The following TTN variants were observed in gnomAD, a reference collection of about 807,000 sequenced individuals.
TTN encodes the protein connectin.
Under a neutral mutation model 3,223.0 loss-of-function variants are expected in TTN, and 1,525 were observed. The ratio of observed to expected loss-of-function variants is 0.47; its 90% CI spans 0.45 to 0.49. The LOEUF is 0.49. TTN is among the 20% of genes least tolerant of loss of function. TTN has a pLI of 0.00. For synonymous variants in TTN, 14,094 were observed against 15,161.0 expected, an observed-to-expected ratio of 0.93 and a Z score of 5.17; for missense variants, 40,786 against 43,424.0, an observed-to-expected ratio of 0.94 and a Z score of 5.40.
Position 178,757,868 on chromosome 2 carries a change from G to C in TTN, c.10352C>G (p.Ser3451Cys). 2 of 1,552,216 alleles carry C rather than the reference G, an allele frequency of 1.3e-6. No homozygotes were observed. The highest frequency in any genetic ancestry group is 1.7e-6 in the Non-Finnish European group (2 of 1,152,526). Residue 3451 changes from serine to cysteine, a missense_variant, in exon 45 of 363, where the codon TCT becomes TGT. Transcript: ENST00000589042. ...CTCCTTCTTAAATGAAACTGATAAA[G>C]AGACATGCCATTGGGAGTTTGATGT... ...ENTSNSQWHV[S>C]LSVSFKKEPL...
chr2:178,775,326 G>C (rs200271938), intron 28 of TTN, 30 bp downstream of exon 28: 48 of 1,613,030 alleles, frequency 3.0e-5, no homozygotes, highest in Non-Finnish European at 2.2e-5. Context: ...TACAAAGACA[G>C]GTCCATCAAA....
At position 178,557,534 on chromosome 2, in the gene TTN, G is replaced by A. The variant is rs1559256317; in HGVS notation, c.87728C>T (p.Thr29243Ile). 1.2e-6 allele frequency: 2 copies of A among 1,613,930 alleles called. No homozygotes were observed. The highest frequency in any genetic ancestry group is 3.3e-5 in the Admixed American group (2 of 60,028). ...LPYTTPGPPS[T>I]PWVTNVTRES... ...TCGAGTAACATTAGTGACCCATGGT[G>A]TAGATGGTGGTCCAGGTGTTGCTAC... The change falls in exon 329 of 363, where the codon ACA becomes ATA. Residue 29243 changes from threonine to isoleucine, a missense_variant. Thr to Ile is a moderately conservative substitution (Grantham distance 89). Coordinates refer to ENST00000589042, the MANE Select transcript of TTN (RefSeq NM_001267550.2).
chr2:178,667,282 C>T lies in TTN; in HGVS notation c.35751G>A (p.Glu11917=). ...DTTRGIFPEV[E]PPEAIPEIPE... is the part of the protein sequence containing the mutation. ...GAATTTCAGGAATAGCCTCAGGTGG[C>T]TCCACCTCTGGAAAAATGCCTCTGG... The change falls in exon 162 of 363, where the codon GAG becomes GAA. Residue 11917 remains glutamate (E), a synonymous_variant. Coordinates refer to ENST00000589042, the MANE Select transcript of TTN (RefSeq NM_001267550.2). 6.2e-7 allele frequency: 1 copy of T among 1,605,674 alleles called. No individual in the cohort carries two copies. Among genetic ancestry groups the T allele is most frequent in the Non-Finnish European group, 8.5e-7 (1 of 1,176,174 alleles).
chr2:178,727,330 C>A lies in TTN; in HGVS notation c.20035G>T (p.Val6679Leu). 1 of 1,609,390 alleles carries A rather than the reference C, an allele frequency of 6.2e-7. No homozygotes were observed. The highest frequency in any genetic ancestry group is 8.5e-7 in the Non-Finnish European group (1 of 1,177,400). Residue 6679 changes from valine (V) to leucine (L), a missense_variant, in exon 69 of 363, where the codon GTG (valine) becomes TTG (leucine). Coordinates refer to ENST00000589042, the MANE Select transcript of TTN (RefSeq NM_001267550.2). Reference sequence around the variant, plus strand: ...AGTCGTGAAGAGTCACCTGCTTTCACAATTTTGGAGGCTTCTAATTTCTTT... The same window carrying A: ...AGTCGTGAAGAGTCACCTGCTTTCAAAATTTTGGAGGCTTCTAATTTCTTT... Reference protein sequence around the residue: ...FVKKLEASKIVKAGDSSRLEC... With the variant: ...FVKKLEASKILKAGDSSRLEC...
chr2:178,699,944 T>G (rs2074659514), intron 111 of TTN, among the ~76,000 whole-genome samples: 1 of 151,308 alleles, frequency 6.6e-6, no homozygotes, highest in Admixed American at 6.6e-5. Flanking sequence ...CTCGATCTCC[T>G]GACCTCGTGA....
In TTN at chr2:178,567,063, A is replaced by T. The variant is rs973899750; in HGVS notation, c.79069T>A (p.Tyr26357Asn). The change falls in exon 326 of 363, where the codon TAT (tyrosine) becomes AAT (asparagine). Residue 26357 changes from tyrosine to asparagine, a missense_variant. Coordinates refer to ENST00000589042, the MANE Select transcript of TTN (RefSeq NM_001267550.2). ...KVTKLLEGNE[Y>N]VFRIMAVNKY... The stretch of plus-strand genomic sequence containing the variant: ...TTGACAGCCATTATACGGAAAACAT[A>T]TTCATTACCTTCTAAGAGTTTGGTA... The T allele has an allele frequency of 2.5e-6, 4 of 1,613,488 alleles. No individual in the cohort carries two copies. The African/African-American group carries it at 5.3e-5, about 22-fold the overall frequency.
intron 326 of TTN, 28 bp from the exon 327 acceptor site, chr2:178,558,665 T>C (rs767211660): frequency 1.9e-6 from 3 of 1,598,370 alleles, no homozygotes; most frequent in South Asian, 2.3e-5. Context: ...CAAAAGAAAG[T>C]GAATAATTAT....
In TTN at chr2:178,537,134, G is replaced by A. The variant is rs538533402; in HGVS notation, c.99975C>T (p.Asn33325=). The A allele has an allele frequency of 6.2e-7, 1 of 1,613,540 alleles. No individual in the cohort carries two copies. The highest frequency in any genetic ancestry group is 1.3e-5 in the African/African-American group (1 of 75,036). ...TGGCCTCACATTTTTCCACCACATA[G>A]TTGGTGATCCAGGAGCCTCCGTCAT... ...PADDGGSWIT[N]YVVEKCEAKE... Residue 33325 remains asparagine, a synonymous_variant, in exon 356 of 363, where the codon AAC becomes AAT. Transcript: ENST00000589042.
rs751491298 is a variant in TTN at position 178,554,973 on chromosome 2, C to T, written c.88486G>A (p.Ala29496Thr). 20 of 1,613,610 alleles carry T rather than the reference C, an allele frequency of 1.2e-5. No homozygotes were observed. In the South Asian group the frequency reaches 1.3e-4, roughly 11 times the overall value. ...LVCVENTTDL[A>T]SILIKDADRL... is the part of the protein sequence containing the mutation. ...TCGGCATCTTTGATGAGTATAGATG[C>T]GAGGTCCGTGGTATTTTCAACACAC... The change falls in exon 331 of 363, where the codon GCA (alanine) becomes ACA (threonine). Residue 29496 changes from alanine (A) to threonine (T), a missense_variant. Coordinates refer to ENST00000589042, the MANE Select transcript of TTN (RefSeq NM_001267550.2).
chr2:178,676,458 A>G (rs1298207451), intron 147 of TTN, among the ~76,000 whole-genome samples: 1 of 151,902 alleles, frequency 6.6e-6, no homozygotes, highest in Non-Finnish European at 1.5e-5. Flanking sequence ...TGTAGAAAAT[A>G]TTATTGAGCT....
intron 98 of TTN, among the ~76,000 whole-genome samples, chr2:178,710,359 A>G (rs1228932104): frequency 6.6e-6 from 1 of 152,132 alleles, no homozygotes; most frequent in Non-Finnish European, 1.5e-5. Context: ...AGGCACAAGA[A>G]TCACTTGAAC....
Position 178,751,418 on chromosome 2 carries a change from G to A in TTN, c.11311+1706C>T, listed in dbSNP as rs572549029. The A allele has an allele frequency of 4.3e-6, 7 of 1,610,730 alleles. No individual in the cohort carries two copies. In the Admixed American group the frequency reaches 1.0e-4, roughly 23 times the overall value. ...ATCTGTTTTCTTGGCAGAACTCATT[G>A]TCTTAAAATGTATAGTTCTCATCAT... On this transcript the variant is annotated intron_variant, in intron 47 of 362. Transcript: ENST00000589042.
rs727505319 is a variant in TTN at position 178,542,263 on chromosome 2, C to A, written c.97492+1G>T. 6.2e-7 allele frequency: 1 copy of A among 1,603,548 alleles called. No homozygotes were observed. Among genetic ancestry groups the A allele is most frequent in the Non-Finnish European group, 8.5e-7 (1 of 1,173,370 alleles). ...AGTGGTGGAAGGGCCTGTGGACTTA[C>A]GGATGCTGCTGCGACACTCTATGAC... On this transcript the variant is annotated splice_donor_variant, in intron 349 of 362. Transcript: ENST00000589042. LOFTEE classifies it high-confidence loss of function.
At chr2:178,797,793 C>CA (rs1300083551) in intron 6 of TTN, among the ~76,000 whole-genome samples, 5 of 152,060 alleles carry the variant, frequency 3.3e-5, no homozygotes, top group African/African-American at 1.2e-4. Flanking sequence ...GCCATACATA[C>CA]ATGTTGATTT....
rs377764560 is a variant in TTN, at chr2:178,795,515, TAA to T, written c.915-265_915-264del. Among the ~76,000 whole-genome samples, 60 of 141,246 alleles carry T rather than the reference TAA, an allele frequency of 4.2e-4. No homozygotes were observed. In the South Asian group the frequency reaches 4.5e-3, roughly 11 times the overall value. 92.7% of individuals were successfully genotyped at this position (141,246 alleles called of 152,430 possible). A position where few individuals can be genotyped will look rare whatever the true frequency, so the allele number is the denominator to read the frequency against. ...TTTTGTGCCTTGCACCTTCTCACAT[TAA>T]AAAAAAAAAAAAATCACAACAGAAA... is the stretch of plus-strand genomic sequence containing the variant. On this transcript the variant is annotated intron_variant, in intron 6 of 362. Coordinates refer to ENST00000589042, the MANE Select transcript of TTN (RefSeq NM_001267550.2).
rs373713828 is a variant in TTN, at chr2:178,584,781, C to G, written c.64860G>C (p.Arg21620Ser). The G allele has an allele frequency of 5.6e-6, 9 of 1,613,330 alleles. No individual in the cohort carries two copies. The highest frequency in any genetic ancestry group is 5.1e-6 in the Non-Finnish European group (6 of 1,179,570). Residue 21620 changes from arginine (R) to serine (S), a missense_variant, in exon 310 of 363, where the codon AGG becomes AGC. Coordinates refer to ENST00000589042, the MANE Select transcript of TTN (RefSeq NM_001267550.2). Reference sequence around the variant, plus strand: ...CCTGGCCTGGGATCAGCTTTCCAACCCTGCAGGAAGTTTTTGTGACTGAAG... The same window carrying G: ...CCTGGCCTGGGATCAGCTTTCCAACGCTGCAGGAAGTTTTTGTGACTGAAG... ...ALASVTKTSC[R>S]VGKLIPGQEY...
rs779560487 is a variant in TTN, at chr2:178,620,306, G to T, written c.46215C>A (p.Phe15405Leu). 6.4e-7 allele frequency: 1 copy of T among 1,572,984 alleles called. No individual in the cohort carries two copies. The change falls in exon 248 of 363, where the codon TTC (phenylalanine) becomes TTA (leucine). Residue 15405 changes from phenylalanine (F) to leucine (L), a missense_variant. By Grantham distance (22) the Phe-to-Leu change is conservative. Coordinates refer to ENST00000589042, the MANE Select transcript of TTN (RefSeq NM_001267550.2). ...EHLEDQTVTEFDDAVFSCQLS... is the reference protein window; with the variant it reads ...EHLEDQTVTELDDAVFSCQLS... Reference sequence around the variant, plus strand: ...GCTGGCAGGAGAAGACAGCGTCATCGAACTCAGTGACTGTCTGATCTTCCA... The same window carrying T: ...GCTGGCAGGAGAAGACAGCGTCATCTAACTCAGTGACTGTCTGATCTTCCA...
rs751639212 is a variant in TTN, at chr2:178,611,008, T to A, written c.51121A>T (p.Asn17041Tyr). 6.2e-7 allele frequency: 1 copy of A among 1,612,054 alleles called. No homozygotes were observed. The highest frequency in any genetic ancestry group is 2.2e-5 in the East Asian group (1 of 44,754). Residue 17041 changes from asparagine (N) to tyrosine (Y), a missense_variant, in exon 270 of 363, where the codon AAT (asparagine) becomes TAT (tyrosine). Coordinates refer to ENST00000589042, the MANE Select transcript of TTN (RefSeq NM_001267550.2). Reference sequence around the variant, plus strand: ...GAATGATTACCTATGACTTTGACATTGATTGAGGCTGTTGCTGAGCCGAGC... The same window carrying A: ...GAATGATTACCTATGACTTTGACATAGATTGAGGCTGTTGCTGAGCCGAGC... ...NKLGSATASINVKVIGLPGPC... is the reference protein window; with the variant it reads ...NKLGSATASIYVKVIGLPGPC...
rs1238740347 is a variant in TTN at position 178,693,525 on chromosome 2, T to C, written c.31594+84A>G. On this transcript the variant is annotated intron_variant, in intron 119 of 362. Transcript: ENST00000589042. ...ATGCACACTGTGACTAAATCTATTA[T>C]TTAATACTAACATAAATGTTTTACT... 11 of 1,000,286 alleles carry C rather than the reference T, an allele frequency of 1.1e-5. No individual in the cohort carries two copies. In the Admixed American group the frequency reaches 3.0e-4, roughly 27 times the overall value. The allele number at this position is 1,000,286 out of a possible 1,614,324, so 62.0% of individuals were successfully genotyped here.
Sources: gnomAD v4.1 joint callset for allele counts (sites outside exome capture counted in the v4.1 genomes callset) on GRCh38, gnomAD v4.1.1 for gene constraint, MANE v1.5 for transcripts, NCBI Gene and HGNC (gene_info 2026-07-23, HGNC 2026-07-21) for gene names.